The following GALNT18 variants were observed in gnomAD, a reference collection of about 807,000 sequenced individuals.
GALNT18 encodes GalNAc-transferase 18.
GALNT18 carries 44 observed loss-of-function variants against 69.5 expected under a neutral mutation model. The observed-to-expected ratio is 0.63, with a 90% CI of 0.50 to 0.81. GALNT18 has a LOEUF of 0.81. Ranked by LOEUF, GALNT18 falls within the 40% of genes least tolerant of loss-of-function variation. The pLI, the probability that GALNT18 is intolerant of heterozygous loss-of-function variation, is 0.00. For synonymous variants in GALNT18, 364 were observed against 318.2 expected, an observed-to-expected ratio of 1.14 and a Z score of -1.53; for missense variants, 715 against 810.0, an observed-to-expected ratio of 0.88 and a Z score of 1.42.
At position 11,584,420 on chromosome 11, in the gene GALNT18, G is replaced by C. The variant is rs982810247; in HGVS notation, c.235+36939C>G. ...TCAGGTTACTGTTGGAAAGCTGATG[G>C]GAGATGCCGTAAGAGAAATGGGTTC... On this transcript the variant is annotated intron_variant, in intron 1 of 10. Transcript: ENST00000227756. This position sits in a 1 kb window ranked among gnomAD's most constrained non-coding sequence, Gnocchi z 4.1. 7.9e-5 allele frequency among the ~76,000 whole-genome samples: 12 copies of C among 152,192 alleles called. No homozygotes were observed. Among genetic ancestry groups the C allele is most frequent in the African/African-American group, 2.9e-4 (12 of 41,436 alleles).
At chr11:11,476,159 C>G (rs1222803271) in intron 1 of GALNT18, 1 of 152,156 alleles carries the variant, frequency 6.6e-6, no homozygotes, top group African/African-American at 2.4e-5. Context: ...CCAGCCAGGT[C>G]CCCCTGGAAA....
intron 1 of GALNT18, among the ~76,000 whole-genome samples, chr11:11,553,519 G>A (rs1044633208): frequency 2.6e-5 from 4 of 152,076 alleles, no homozygotes; most frequent in African/African-American, 9.7e-5. Context: ...CCACAGGCCA[G>A]AAGGAATCCA....
At position 11,606,424 on chromosome 11, in the gene GALNT18, A is replaced by C. The variant is rs4595536; in HGVS notation, c.235+14935T>G. Among the ~76,000 whole-genome samples the C allele has an allele frequency of 1.9e-3, 284 of 152,362 alleles. 1 individual carries two copies. Among genetic ancestry groups the C allele is most frequent in the Middle Eastern group, 6.8e-3 (2 of 294 alleles). On this transcript the variant is annotated intron_variant, in intron 1 of 10. Transcript: ENST00000227756. The surrounding 1 kb of genome is among the most constrained non-coding windows in gnomAD (Gnocchi z 5.4). ...AGGATTAAATAATATGAAGTGGATT[A>C]AACAGTGCTAAACATCTGGTACATG...
Position 11,413,657 on chromosome 11 carries a change from A to C in GALNT18, c.595+18964T>G, listed in dbSNP as rs7932688. ...GGTCTGTGGCTGCACCCGGGGCCCC[A>C]GCATGGAGCAGAGGGAGTCTGGGAA... is the stretch of plus-strand genomic sequence containing the variant. On this transcript the variant is annotated intron_variant, in intron 3 of 10. Coordinates refer to ENST00000227756, the MANE Select transcript of GALNT18 (RefSeq NM_198516.3). The surrounding 1 kb of genome is among the most constrained non-coding windows in gnomAD (Gnocchi z 4.7). Among the ~76,000 whole-genome samples the C allele has an allele frequency of 0.021, 3,122 of 152,262 alleles. 96 individuals carry two copies. Among genetic ancestry groups the C allele is most frequent in the African/African-American group, 0.072 (2,977 of 41,540 alleles).
At chr11:11,521,069 C>G (rs924844175) in intron 1 of GALNT18, among the ~76,000 whole-genome samples, 2 of 151,858 alleles carry the variant, frequency 1.3e-5, no homozygotes, top group African/African-American at 4.8e-5. Context: ...CTGGGGCTGA[C>G]AGCAGCCACG....
At chr11:11,607,349 G>A (rs1264898899) in intron 1 of GALNT18, among the ~76,000 whole-genome samples, 1 of 152,076 alleles carries the variant, frequency 6.6e-6, no homozygotes, top group Non-Finnish European at 1.5e-5. Context: ...ATCAAGAAAT[G>A]GTTTATTGCC....
In GALNT18 at chr11:11,587,904, A is replaced by G. The variant is rs1226412341; in HGVS notation, c.235+33455T>C. Among the ~76,000 whole-genome samples, 3 of 152,158 alleles carry G rather than the reference A, an allele frequency of 2.0e-5. No individual in the cohort carries two copies. In the East Asian group the frequency reaches 5.8e-4, roughly 29 times the overall value. On this transcript the variant is annotated intron_variant, in intron 1 of 10. Coordinates refer to ENST00000227756, the MANE Select transcript of GALNT18 (RefSeq NM_198516.3). This position sits in a 1 kb window ranked among gnomAD's most constrained non-coding sequence, Gnocchi z 4.4. ...AAAGAGAGAGGCAGGGGGAGAAAGG[A>G]AGCCTTTCTACTAATTCACTAAGAG... is the stretch of plus-strand genomic sequence containing the variant.
chr11:11,431,068 T>C (rs538663073), intron 3 of GALNT18, among the ~76,000 whole-genome samples: 2 of 152,256 alleles, frequency 1.3e-5, no homozygotes, highest in African/African-American at 2.4e-5. Flanking sequence ...TGACTTAGAG[T>C]CCAAATGGCA....
At chr11:11,418,834 T>C (rs1222937756) in intron 3 of GALNT18, among the ~76,000 whole-genome samples, 2 of 152,160 alleles carry the variant, frequency 1.3e-5, no homozygotes, top group African/African-American at 4.8e-5. Context: ...GTGTGTGATG[T>C]TGGGAAACTC....
At position 11,577,577 on chromosome 11, in the gene GALNT18, A is replaced by G. The variant is rs181435713; in HGVS notation, c.235+43782T>C. Reference sequence around the variant, plus strand: ...TGCATCCATTCTCTCACCCCTAAACAAGGGGGCCTAAGTAAAGCCCAGAGA... The same window carrying G: ...TGCATCCATTCTCTCACCCCTAAACGAGGGGGCCTAAGTAAAGCCCAGAGA... On this transcript the variant is annotated intron_variant, in intron 1 of 10. Transcript: ENST00000227756. Among the ~76,000 whole-genome samples, 21 of 152,306 alleles carry G rather than the reference A, an allele frequency of 1.4e-4. No individual in the cohort carries two copies. The East Asian group carries it at 4.1e-3, about 29-fold the overall frequency.
chr11:11,319,288 A>G (rs1345620842), intron 9 of GALNT18, among the ~76,000 whole-genome samples: 1 of 152,212 alleles, frequency 6.6e-6, no homozygotes, highest in Non-Finnish European at 1.5e-5. Flanking sequence ...GTTGCCCCAT[A>G]TGCAATGCTC....
chr11:11,349,670 TA>T lies in GALNT18; in HGVS notation c.1093-8667del, dbSNP rs571530152. ...CACATGAGCGGTGCTCAAAAAAATA[TA>T]AATTGCACGAATGAAGGAACCAGAG... is the stretch of plus-strand genomic sequence containing the variant. On this transcript the variant is annotated intron_variant, in intron 6 of 10. Coordinates refer to ENST00000227756, the MANE Select transcript of GALNT18 (RefSeq NM_198516.3). Among the ~76,000 whole-genome samples, 112 of 152,302 alleles carry T rather than the reference TA, an allele frequency of 7.4e-4. 1 individual carries two copies. The highest frequency in any genetic ancestry group is 2.6e-3 in the African/African-American group (109 of 41,572).
intron 9 of GALNT18, among the ~76,000 whole-genome samples, chr11:11,296,446 C>G (rs1486351553): frequency 6.6e-6 from 1 of 152,164 alleles, no homozygotes; most frequent in Admixed American, 6.5e-5. Flanking sequence ...CACTGTAGCT[C>G]TTAATCTCCC....
intron 2 of GALNT18, 87 bp downstream of exon 2, chr11:11,448,657 G>T: frequency 9.0e-7 from 1 of 1,115,668 alleles, no homozygotes; most frequent in South Asian, 1.8e-5. Context: ...GAATCCAGGC[G>T]CCCAGTCCTG....
In GALNT18 at chr11:11,424,925, C is replaced by CAAGCAGGA. The variant is rs1270098771; in HGVS notation, c.595+7688_595+7695dup. On this transcript the variant is annotated intron_variant, in intron 3 of 10. Coordinates refer to ENST00000227756, the MANE Select transcript of GALNT18 (RefSeq NM_198516.3). ...CCACCATGCCCACAGATAGTGCAGA[C>CAAGCAGGA]AAGCAGGAAGAAGTGCATGCTGGAC... is the stretch of plus-strand genomic sequence containing the variant. Among the ~76,000 whole-genome samples the CAAGCAGGA allele has an allele frequency of 2.6e-5, 4 of 152,090 alleles. No homozygotes were observed. The South Asian group carries it at 6.2e-4, about 24-fold the overall frequency.
rs115197782 is a variant in GALNT18, at chr11:11,555,410, G to A, written c.235+65949C>T. On this transcript the variant is annotated intron_variant, in intron 1 of 10. Coordinates refer to ENST00000227756, the MANE Select transcript of GALNT18 (RefSeq NM_198516.3). The surrounding 1 kb of genome is among the most constrained non-coding windows in gnomAD (Gnocchi z 4.7). ...TCCAGTGCTTAGGAGCTCAGACTGC[G>A]ACAGCATCAGCCCAGGAGTGGCCAC... Among the ~76,000 whole-genome samples, 386 of 152,314 alleles carry A rather than the reference G, an allele frequency of 2.5e-3. 1 individual carries two copies. The highest frequency in any genetic ancestry group is 8.7e-3 in the African/African-American group (360 of 41,560).
rs548334140 is a variant in GALNT18, at chr11:11,315,643, T to A, written c.1512+11443A>T. Among the ~76,000 whole-genome samples the A allele has an allele frequency of 5.9e-5, 9 of 152,266 alleles. No homozygotes were observed. The highest frequency in any genetic ancestry group is 2.2e-4 in the African/African-American group (9 of 41,546). On this transcript the variant is annotated intron_variant, in intron 9 of 10. Transcript: ENST00000227756. The surrounding 1 kb of genome is among the most constrained non-coding windows in gnomAD (Gnocchi z 5.6). ...CACATGTGGGGCACCGGGTCAGGCATCATGGCATACAGGCCATCACATCCC... is the reference window on the plus strand; with the variant it reads ...CACATGTGGGGCACCGGGTCAGGCAACATGGCATACAGGCCATCACATCCC...
chr11:11,423,252 T>A (rs1855053229), intron 3 of GALNT18, among the ~76,000 whole-genome samples: 1 of 152,024 alleles, frequency 6.6e-6, no homozygotes, highest in Non-Finnish European at 1.5e-5. Flanking sequence ...CACAAACACA[T>A]GTGTTATATG....
At chr11:11,348,931 T>A (rs1850351294) in intron 6 of GALNT18, among the ~76,000 whole-genome samples, 1 of 152,200 alleles carries the variant, frequency 6.6e-6, no homozygotes, top group Non-Finnish European at 1.5e-5. Context: ...CAACTGTTGA[T>A]CTTCCACCCC....
Sources: gnomAD v4.1 joint callset for allele counts (sites outside exome capture counted in the v4.1 genomes callset) on GRCh38, gnomAD v4.1.1 for gene constraint, Gnocchi (gnomAD v3.1) non-coding constraint, MANE v1.5 for transcripts, NCBI Gene and HGNC (gene_info 2026-07-23, HGNC 2026-07-21) for gene names.